PDE4C: variants seen among roughly 807,000 people sequenced by gnomAD.
The protein encoded by PDE4C is 3',5'-cyclic-AMP phosphodiesterase 4C.
A neutral mutation model predicts 63.9 loss-of-function variants in PDE4C; 50 were observed. The ratio of observed to expected loss-of-function variants is 0.78; its 90% CI spans 0.62 to 0.99. The LOEUF (loss-of-function observed/expected upper bound fraction) is 0.99, where lower values mean the gene tolerates loss of function less well. Among genes scored for constraint, PDE4C ranks in the 50% least tolerant of loss-of-function variants. PDE4C has a pLI of 0.00. For missense variants in PDE4C, 777 were observed against 899.1 expected, an observed-to-expected ratio of 0.86 and a Z score of 1.74; for synonymous variants, 377 against 385.1, an observed-to-expected ratio of 0.98 and a Z score of 0.25.
At chr19:18,226,542 C>A (rs530252480), upstream of PDE4C, 175 of 579,710 alleles carry the variant, frequency 3.0e-4, 1 homozygote, top group Non-Finnish European at 3.2e-5. Flanking sequence ...GCCGGCGGCT[C>A]CCTGACGACC....
chr19:18,226,533 C>CG, upstream of PDE4C: 3 of 712,478 alleles, frequency 4.2e-6, no homozygotes, highest in Non-Finnish European at 6.0e-6. Context: ...CGCCTCGAGG[C>CG]CGGCGGCTCC....
upstream of PDE4C, among the ~76,000 whole-genome samples, chr19:18,238,238 CT>C (rs752994500): frequency 0.055 from 7,726 of 141,234 alleles, 557 homozygotes; most frequent in African/African-American, 0.17. Flanking sequence ...CTCTCTCTCT[CT>C]TTTTTTTTTT....
intron 4 of PDE4C, 64 bp downstream of exon 4, chr19:18,221,041 G>GC (rs1791887902): frequency 1.2e-6 from 1 of 850,778 alleles, no homozygotes; most frequent in Non-Finnish European, 1.6e-6. Flanking sequence ...TCAATTTGCA[G>GC]CCCGCTTTCC....
chr19:18,211,660 G>T, intron 14 of PDE4C, 99 bp downstream of exon 14: 1 of 1,390,462 alleles, frequency 7.2e-7, no homozygotes, highest in Non-Finnish European at 1.0e-6. Flanking sequence ...ACACTCCCTG[G>T]CTAGCCAGCC....
At chr19:18,247,612 C>T (rs932792859) in intron 1 of PDE4C, among the ~76,000 whole-genome samples, 7 of 152,240 alleles carry the variant, frequency 4.6e-5, no homozygotes, top group East Asian at 1.9e-4. Context: ...GGGTATTTCT[C>T]AGTAGAGGGT....
upstream of PDE4C, among the ~76,000 whole-genome samples, chr19:18,228,146 C>G (rs890782560): frequency 6.6e-6 from 1 of 152,008 alleles, no homozygotes; most frequent in Non-Finnish European, 1.5e-5. Flanking sequence ...TGTGGGGACA[C>G]TGGAGCCAAG....
At chr19:18,222,820 C>T (rs1968553043) in intron 1 of PDE4C, among the ~76,000 whole-genome samples, 1 of 150,698 alleles carries the variant, frequency 6.6e-6, no homozygotes, top group South Asian at 2.1e-4. Context: ...CAGCCTCAGC[C>T]TCCTGAGTAG....
intron 1 of PDE4C, among the ~76,000 whole-genome samples, chr19:18,242,923 A>G (rs1040785619): frequency 6.6e-6 from 1 of 151,824 alleles, no homozygotes; most frequent in African/African-American, 2.4e-5. Context: ...CTACTTGGGG[A>G]TCACAGGAAG....
upstream of PDE4C, chr19:18,252,236 T>C (rs954434184): frequency 7.5e-6 from 3 of 398,898 alleles, no homozygotes; most frequent in Non-Finnish European, 1.3e-5. Flanking sequence ...TGATTGTCTC[T>C]GGTTGTGGGG....
intron 11 of PDE4C, among the ~76,000 whole-genome samples, chr19:18,217,853 C>T (rs1190620514): frequency 3.9e-5 from 6 of 151,986 alleles, no homozygotes; most frequent in Admixed American, 6.6e-5. Context: ...GCCGAAATCG[C>T]GCCACTGCAC....
chr19:18,224,399 C>T, intron 1 of PDE4C: 1 of 985,572 alleles, frequency 1.0e-6, no homozygotes, highest in Non-Finnish European at 1.2e-6. Flanking sequence ...GCTGGGTCGG[C>T]ACCCCGCGTA....
chr19:18,230,742 C>A (rs1968830996), upstream of PDE4C, among the ~76,000 whole-genome samples: 1 of 152,128 alleles, frequency 6.6e-6, no homozygotes, highest in Non-Finnish European at 1.5e-5. Context: ...TGACTCCCAC[C>A]CCACTGCTGG....
upstream of PDE4C, chr19:18,250,065 G>C (rs556779935): frequency 7.5e-6 from 3 of 398,698 alleles, no homozygotes; most frequent in East Asian, 7.1e-5. Flanking sequence ...TATTTCCTCA[G>C]GTTCTGCTCC....
chr19:18,219,344 G>A (rs771753014), exon 8 of PDE4C: 7 of 1,613,796 alleles, frequency 4.3e-6, no homozygotes, highest in Non-Finnish European at 5.9e-6. Context: ...CGGGACATGG[G>A]CTGTGGGGCC....
intron 1 of PDE4C, among the ~76,000 whole-genome samples, chr19:18,224,057 C>T (rs996694585): frequency 6.6e-6 from 1 of 152,242 alleles, no homozygotes; most frequent in Non-Finnish European, 1.5e-5. Flanking sequence ...CTGTTATCTT[C>T]CACCTCCGGG....
chr19:18,231,636 GCT>G (rs1413509559), intron 1 of PDE4C, among the ~76,000 whole-genome samples: 6 of 152,090 alleles, frequency 3.9e-5, no homozygotes, highest in Non-Finnish European at 7.4e-5. Flanking sequence ...AGAAAGCCAA[GCT>G]CCAGAGCAGG....
chr19:18,248,560 G>A (rs941667821), upstream of PDE4C, among the ~76,000 whole-genome samples: 8 of 151,954 alleles, frequency 5.3e-5, no homozygotes, highest in African/African-American at 9.7e-5. Flanking sequence ...GAGAGGGCGC[G>A]AAGGAAGATG....
upstream of PDE4C, chr19:18,251,986 C>T (rs1037874128): frequency 1.0e-5 from 4 of 398,098 alleles, no homozygotes; most frequent in Non-Finnish European, 1.8e-5. Flanking sequence ...CTGTACCTCC[C>T]CCTGGTGGTC....
chr19:18,233,165 C>G, exon 1 of PDE4C: 1 of 1,558,330 alleles, frequency 6.4e-7, no homozygotes, highest in Non-Finnish European at 8.7e-7. Context: ...AAGCCTCTGC[C>G]CCTTCGCCGA....
Sources: gnomAD v4.1 joint callset for allele counts (sites outside exome capture counted in the v4.1 genomes callset) on GRCh38, gnomAD v4.1.1 for gene constraint, MANE v1.5 for transcripts, NCBI Gene and HGNC (gene_info 2026-07-23, HGNC 2026-07-21) for gene names.